The following ACO1 variants were observed in gnomAD, a reference collection of about 807,000 sequenced individuals.
The protein encoded by ACO1 is cytoplasmic aconitate hydratase.
Under a neutral mutation model 105.1 loss-of-function variants are expected in ACO1, and 78 were observed. That is an observed-to-expected ratio of 0.74 (90% CI 0.62 to 0.90). ACO1 has a LOEUF of 0.90. Ranked by LOEUF, ACO1 falls within the 40% of genes least tolerant of loss-of-function variation. The probability of loss-of-function intolerance (pLI) is 0.00; values close to 1 mark genes in which losing one functional copy is unlikely to be tolerated. For missense variants in ACO1, 965 were observed against 1,111.1 expected (o/e 0.87, Z 1.87); for synonymous variants, 364 against 397.4 (o/e 0.92, Z 1.00).
chr9:32,405,913 C>T (rs144732428), intron 2 of ACO1, among the ~76,000 whole-genome samples: 159 of 152,234 alleles, frequency 1.0e-3, no homozygotes, highest in African/African-American at 3.6e-3. Context: ...AGCTAAGGCC[C>T]AAGAGTCAAT....
chr9:32,450,448 AG>A lies in ACO1; in HGVS notation c.*338del, dbSNP rs1255869839. On this transcript the variant is annotated 3_prime_UTR_variant, in exon 21 of 21. Coordinates refer to ENST00000309951, the MANE Select transcript of ACO1 (RefSeq NM_002197.3). ...TCCTATTAATCTTCAGCTGAACACA[AG>A]CAAACCTTCTCAGGAGGTGTCTCCT... 1 of 366,624 alleles carries A rather than the reference AG, an allele frequency of 2.7e-6. No homozygotes were observed. The allele number at this position is 366,624 out of a possible 1,614,324, so 22.7% of individuals were successfully genotyped here.
At chr9:32,446,324 G>T (rs1373125060) in intron 19 of ACO1, among the ~76,000 whole-genome samples, 1 of 152,136 alleles carries the variant, frequency 6.6e-6, no homozygotes, top group Non-Finnish European at 1.5e-5. Context: ...TTGTTGCATT[G>T]ATCCCTTTAC....
chr9:32,433,858 A>G, intron 16 of ACO1, 26 bp downstream of exon 16: 1 of 1,528,382 alleles, frequency 6.5e-7, no homozygotes. Flanking sequence ...TTTTAACAAA[A>G]TGAATTCTTT....
At chr9:32,429,321 C>A in intron 12 of ACO1, 98 bp from the exon 13 acceptor site, 1 of 1,098,782 alleles carries the variant, frequency 9.1e-7, no homozygotes, top group South Asian at 1.3e-5. Context: ...CACTGCAATT[C>A]CTTTTTGAAC....
intron 1 of ACO1, among the ~76,000 whole-genome samples, chr9:32,386,980 G>A (rs750202216): frequency 1.3e-5 from 2 of 152,178 alleles, no homozygotes; most frequent in Non-Finnish European, 2.9e-5. Context: ...CTGGTCCTGT[G>A]TGAAGAGCAG....
In ACO1 at chr9:32,440,737, G is replaced by A. The variant is rs1429033080; in HGVS notation, c.2370+150G>A. On this transcript the variant is annotated intron_variant, in intron 19 of 20. Transcript: ENST00000309951. ...AGTGTTTATTCCTGGCCTGCTTCTT[G>A]GTGCCTCTGGATTTATTTTATTTGG... 2.9e-6 allele frequency: 3 copies of A among 1,049,754 alleles called. No homozygotes were observed. The East Asian group carries it at 8.2e-5, about 29-fold the overall frequency. The allele number at this position is 1,049,754 out of a possible 1,614,324, so 65.0% of individuals were successfully genotyped here. A position where few individuals can be genotyped will look rare whatever the true frequency, so the allele number is the denominator to read the frequency against.
intron 4 of ACO1, among the ~76,000 whole-genome samples, chr9:32,416,629 A>G (rs1451583466): frequency 6.6e-6 from 1 of 151,912 alleles, no homozygotes; most frequent in African/African-American, 2.4e-5. Flanking sequence ...TTGCCCTTTC[A>G]CCAGACTCAG....
chr9:32,389,746 C>G (rs1192076805), intron 1 of ACO1, among the ~76,000 whole-genome samples: 4 of 151,176 alleles, frequency 2.6e-5, no homozygotes, highest in Non-Finnish European at 4.4e-5. Context: ...AGTATAAACC[C>G]TCAGCCTCAA....
chr9:32,422,192 T>C (rs1454143557), intron 8 of ACO1, among the ~76,000 whole-genome samples: 1 of 152,224 alleles, frequency 6.6e-6, no homozygotes, highest in Non-Finnish European at 1.5e-5. Context: ...CCCGTGGTGC[T>C]GCAGGTGGCC....
chr9:32,417,575 CTG>C (rs1177985326), intron 4 of ACO1, among the ~76,000 whole-genome samples: 1 of 152,212 alleles, frequency 6.6e-6, no homozygotes, highest in Admixed American at 6.5e-5. Context: ...AGCGTATAAT[CTG>C]TGGTTCACAG....
At chr9:32,422,370 A>G (rs1212329850) in intron 8 of ACO1, among the ~76,000 whole-genome samples, 1 of 152,226 alleles carries the variant, frequency 6.6e-6, no homozygotes, top group Non-Finnish European at 1.5e-5. Flanking sequence ...AGCGGGCTCA[A>G]CAACAGGTCA....
intron 4 of ACO1, among the ~76,000 whole-genome samples, chr9:32,412,814 G>A (rs1339626154): frequency 1.3e-5 from 2 of 152,218 alleles, no homozygotes; most frequent in Non-Finnish European, 1.5e-5. Context: ...AGTTAGGAAA[G>A]TAGCCATAAA....
chr9:32,405,685 T>C, intron 2 of ACO1, 82 bp downstream of exon 2: 1 of 1,027,748 alleles, frequency 9.7e-7, no homozygotes, highest in Non-Finnish European at 1.4e-6. Context: ...TGAGGAGAGT[T>C]TGAAGAGGGA....
At chr9:32,420,091 T>A (rs891124908) in intron 7 of ACO1, among the ~76,000 whole-genome samples, 1 of 104,478 alleles carries the variant, frequency 9.6e-6, no homozygotes, top group Non-Finnish European at 2.5e-5. Context: ...CTCACAAAAT[T>A]TGGCAGAATT....
At chr9:32,434,514 T>G (rs1396148233) in intron 16 of ACO1, 45 bp from the exon 17 acceptor site, 1 of 1,611,008 alleles carries the variant, frequency 6.2e-7, no homozygotes, top group East Asian at 2.2e-5. Flanking sequence ...GGTAACTTGT[T>G]TGGGAAAACC....
chr9:32,405,647 A>G lies in ACO1; in HGVS notation c.97+44A>G, dbSNP rs1046384710. On this transcript the variant is annotated intron_variant, in intron 2 of 20. Transcript: ENST00000309951. ...TAGCAATTGGAATCTCATTTGCACA[A>G]TGATTAGGCTATGTAATTAATTACA... 15 of 1,341,138 alleles carry G rather than the reference A, an allele frequency of 1.1e-5. No homozygotes were observed. In the African/African-American group the frequency reaches 1.9e-4, roughly 17 times the overall value. The allele number at this position is 1,341,138 out of a possible 1,614,324, so 83.1% of individuals were successfully genotyped here. A position where few individuals can be genotyped will look rare whatever the true frequency, so the allele number is the denominator to read the frequency against.
At position 32,451,656 on chromosome 9, in the gene ACO1, C is replaced by T. The variant is rs1822769179; in HGVS notation, c.*1545C>T. The T allele has an allele frequency of 6.6e-6, 1 of 152,226 alleles. No homozygotes were observed. Among genetic ancestry groups the T allele is most frequent in the Admixed American group, 6.5e-5 (1 of 15,278 alleles). 9.4% of individuals were successfully genotyped at this position (152,226 alleles called of 1,614,324 possible). On this transcript the variant is annotated 3_prime_UTR_variant, in exon 21 of 21. Coordinates refer to ENST00000309951, the MANE Select transcript of ACO1 (RefSeq NM_002197.3). ...GGATATGGCCTGGTCATCAGAACAT[C>T]TGGAATCTAATCCTCTTTCTACTTC... is the stretch of plus-strand genomic sequence containing the variant.
chr9:32,397,307 C>T (rs1452333265), intron 1 of ACO1, among the ~76,000 whole-genome samples: 1 of 152,170 alleles, frequency 6.6e-6, no homozygotes, highest in Non-Finnish European at 1.5e-5. Flanking sequence ...CAAAGTTCTT[C>T]TAGTTACAAG....
intron 8 of ACO1, among the ~76,000 whole-genome samples, chr9:32,422,443 G>T (rs1189142866): frequency 6.6e-6 from 1 of 152,154 alleles, no homozygotes; most frequent in Admixed American, 6.6e-5. Context: ...GAGAGCTAAT[G>T]ACGTTTACAG....
Sources: allele counts gnomAD v4.1 joint callset (sites outside exome capture counted in the v4.1 genomes callset), GRCh38; gene constraint gnomAD v4.1.1; transcripts MANE v1.5; gene names NCBI Gene and HGNC (gene_info 2026-07-23, HGNC 2026-07-21).